The following RPL13A variants were observed in gnomAD, a reference collection of about 807,000 sequenced individuals.
The protein encoded by RPL13A is ribosomal protein L13a.
A neutral mutation model predicts 30.8 loss-of-function variants in RPL13A; 4 were observed. The ratio of observed to expected loss-of-function variants is 0.13; its 90% CI spans 0.06 to 0.30. RPL13A has a LOEUF of 0.30. RPL13A is among the 10% of genes least tolerant of loss of function. The pLI is 1.00. For synonymous variants in RPL13A, 108 were observed against 104.2 expected, an observed-to-expected ratio of 1.04 and a Z score of -0.22; for missense variants, 196 against 272.6, an observed-to-expected ratio of 0.72 and a Z score of 1.98.
In RPL13A at chr19:49,487,653, T is replaced by A. The variant is rs1401320284; in HGVS notation, c.15+9T>A. On this transcript the variant is annotated intron_variant, in intron 1 of 7. Coordinates refer to ENST00000391857, the MANE Select transcript of RPL13A (RefSeq NM_012423.4). ...AGATGGCGGAGGTGCAGGTATGGGC[T>A]CCGCGCGGGCCGGGGCGGCAAGGGG... 4 of 1,547,304 alleles carry A rather than the reference T, an allele frequency of 2.6e-6. No homozygotes were observed. The highest frequency in any genetic ancestry group is 3.5e-6 in the Non-Finnish European group (4 of 1,148,964).
intron 5 of RPL13A, 76 bp from the exon 6 acceptor site, chr19:49,490,964 C>G: frequency 6.2e-7 from 1 of 1,605,424 alleles, no homozygotes; most frequent in Non-Finnish European, 8.5e-7. Flanking sequence ...GCAGCACTGG[C>G]TGAGACGCCA....
In RPL13A at chr19:49,491,867, T is replaced by C. The variant is rs1455133317; in HGVS notation, c.*52T>C. On this transcript the variant is annotated 3_prime_UTR_variant, in exon 8 of 8. Coordinates refer to ENST00000391857, the MANE Select transcript of RPL13A (RefSeq NM_012423.4). ...TGCGTTGCCTGCCCTTCCTCCATTG[T>C]TGCCCTGGAATGTACGGGACCCAGG... is the stretch of plus-strand genomic sequence containing the variant. 2 of 1,443,260 alleles carry C rather than the reference T, an allele frequency of 1.4e-6. No homozygotes were observed. Among genetic ancestry groups the C allele is most frequent in the Non-Finnish European group, 9.5e-7 (1 of 1,048,932 alleles). 89.4% of individuals were successfully genotyped at this position (1,443,260 alleles called of 1,614,324 possible). A position where few individuals can be genotyped will look rare whatever the true frequency, so the allele number is the denominator to read the frequency against.
intron 1 of RPL13A, among the ~76,000 whole-genome samples, chr19:49,488,606 A>C (rs1002496676): frequency 2.6e-5 from 4 of 152,236 alleles, no homozygotes; most frequent in African/African-American, 9.6e-5. Flanking sequence ...GACTTCAGGA[A>C]GTCTGTCTGG....
intron 3 of RPL13A, 25 bp downstream of exon 3, chr19:49,490,322 C>T (rs758344382): frequency 6.2e-7 from 1 of 1,611,428 alleles, no homozygotes; most frequent in South Asian, 1.1e-5. Context: ...GGGAGGAGCA[C>T]TGGAGAGGGT....
chr19:49,490,672 C>G (rs1421968691), intron 4 of RPL13A, 96 bp downstream of exon 4: 1 of 1,567,762 alleles, frequency 6.4e-7, no homozygotes, highest in Non-Finnish European at 8.8e-7. Context: ...CATGAGATGA[C>G]TCCACATGCA....
chr19:49,488,393 G>A (rs144492848), intron 1 of RPL13A, among the ~76,000 whole-genome samples: 1 of 152,322 alleles, frequency 6.6e-6, no homozygotes, highest in Non-Finnish European at 1.5e-5. Flanking sequence ...TTCTTTGTGA[G>A]TAGTCTGTTG....
In RPL13A at chr19:49,489,936, C is replaced by T. The variant is rs192827029; in HGVS notation, c.88+14C>T. 1.0e-4 allele frequency: 163 copies of T among 1,608,378 alleles called. No homozygotes were observed. The African/African-American group carries it at 1.7e-3, about 17-fold the overall frequency. On this transcript the variant is annotated intron_variant, in intron 2 of 7. Transcript: ENST00000391857. ...AGGTACTGCTGGGTAAGTCGCTGCT[C>T]GTGGCCCCTCTGTCATGGGCCCCCG...
At chr19:49,489,753 C>G in intron 1 of RPL13A, 97 bp from the exon 2 acceptor site, 1 of 989,522 alleles carries the variant, frequency 1.0e-6, no homozygotes, top group Non-Finnish European at 1.6e-6. Flanking sequence ...GCAAGGCACG[C>G]TGTTGGCACG....
At chr19:49,491,151 GAGGGACCT>G in intron 6 of RPL13A, 52 bp downstream of exon 6, 1 of 1,597,574 alleles carries the variant, frequency 6.3e-7, no homozygotes, top group Non-Finnish European at 8.6e-7. Flanking sequence ...CAGGCCTGCT[GAGGGACCT>G]GGGGACCTGG....
chr19:49,491,307 TATG>T, intron 6 of RPL13A, 115 bp from the exon 7 acceptor site: 1 of 1,179,854 alleles, frequency 8.5e-7, no homozygotes, highest in Non-Finnish European at 1.3e-6. Context: ...ACAGTTGCAT[TATG>T]ATATGCCCAG....
intron 2 of RPL13A, 33 bp downstream of exon 2, chr19:49,489,955 G>T: frequency 6.5e-7 from 1 of 1,544,178 alleles, no homozygotes; most frequent in Non-Finnish European, 8.9e-7. Flanking sequence ...TCTGTCATGG[G>T]CCCCCGCTGG....
chr19:49,490,802 C>A lies in RPL13A; in HGVS notation c.280C>A (p.Arg94=), dbSNP rs897463722. 6.2e-7 allele frequency: 1 copy of A among 1,614,170 alleles called. No individual in the cohort carries two copies. The highest frequency in any genetic ancestry group is 8.5e-7 in the Non-Finnish European group (1 of 1,180,042). The stretch of plus-strand genomic sequence containing the variant: ...AGGTATGCTGCCCCACAAAACCAAG[C>A]GAGGCCAGGCCGCTCTGGACCGTCT... ...VRGMLPHKTK[R]GQAALDRLKV... The change falls in exon 5 of 8, where the codon CGA becomes AGA. Residue 94 remains arginine (R), a synonymous_variant. Coordinates refer to ENST00000391857, the MANE Select transcript of RPL13A (RefSeq NM_012423.4).
chr19:49,491,380 A>G (rs775620358), intron 6 of RPL13A, 45 bp from the exon 7 acceptor site: 2 of 959,208 alleles, frequency 2.1e-6, no homozygotes, highest in Admixed American at 2.1e-5. Context: ...GGGCTTAGAT[A>G]TCCTTACAAC....
chr19:49,491,570 A>AG (rs761149841), intron 7 of RPL13A, 23 bp downstream of exon 7: 62 of 1,553,900 alleles, frequency 4.0e-5, no homozygotes, highest in African/African-American at 3.5e-4. Flanking sequence ...GCTGGTGCTG[A>AG]GGGGGGCATC....
chr19:49,491,698 G>A, intron 7 of RPL13A, 31 bp from the exon 8 acceptor site: 1 of 1,606,188 alleles, frequency 6.2e-7, no homozygotes, highest in Non-Finnish European at 8.5e-7. Context: ...AACCCCTCCT[G>A]ACCACCACCA....
chr19:49,491,889 C>T lies in RPL13A; in HGVS notation c.*74C>T, dbSNP rs948583382. ...TTGTTGCCCTGGAATGTACGGGACC[C>T]AGGGGCAGCAGCAGTCCAGGTGCCA... On this transcript the variant is annotated 3_prime_UTR_variant, in exon 8 of 8. Coordinates refer to ENST00000391857, the MANE Select transcript of RPL13A (RefSeq NM_012423.4). 2 of 1,213,420 alleles carry T rather than the reference C, an allele frequency of 1.6e-6. No individual in the cohort carries two copies. Among genetic ancestry groups the T allele is most frequent in the African/African-American group, 3.0e-5 (2 of 67,784 alleles). 75.2% of individuals were successfully genotyped at this position (1,213,420 alleles called of 1,614,324 possible).
rs768527487 is a variant in RPL13A at position 49,489,998 on chromosome 19, G to C, written c.88+76G>C. Reference sequence around the variant, plus strand: ...TGATGAGCAACATTCACCATCTTTCGTTTGAGTCTCACGGCCATGAGATCA... The same window carrying C: ...TGATGAGCAACATTCACCATCTTTCCTTTGAGTCTCACGGCCATGAGATCA... On this transcript the variant is annotated intron_variant, in intron 2 of 7. Transcript: ENST00000391857. The C allele has an allele frequency of 8.5e-5, 106 of 1,250,634 alleles. No homozygotes were observed. The South Asian group carries it at 1.0e-3, about 12-fold the overall frequency. 77.5% of individuals were successfully genotyped at this position (1,250,634 alleles called of 1,614,324 possible).
intron 2 of RPL13A, 23 bp from the exon 3 acceptor site, chr19:49,490,209 G>A: frequency 6.2e-7 from 1 of 1,613,542 alleles, no homozygotes; most frequent in Middle Eastern, 1.7e-4. Context: ...GCTCGGCCCT[G>A]CTAAGCCTTT....
rs190190443 is a variant in RPL13A at position 49,488,582 on chromosome 19, T to G, written c.15+938T>G. On this transcript the variant is annotated intron_variant, in intron 1 of 7. Transcript: ENST00000391857. ...GAAATTAAATTGGAATTGGTGATTT[T>G]GGGCCAAGGTCACGACTTCAGGAAG... Among the ~76,000 whole-genome samples the G allele has an allele frequency of 1.8e-4, 28 of 152,384 alleles. No individual in the cohort carries two copies. In the East Asian group the frequency reaches 4.8e-3, roughly 26 times the overall value.
Sources: gnomAD v4.1 joint callset for allele counts (sites outside exome capture counted in the v4.1 genomes callset) on GRCh38, gnomAD v4.1.1 for gene constraint, MANE v1.5 for transcripts, NCBI Gene and HGNC (gene_info 2026-07-23, HGNC 2026-07-21) for gene names.